APBA1: variants seen among roughly 807,000 people sequenced by gnomAD.
The protein encoded by APBA1 is amyloid-beta A4 precursor protein-binding family A member 1.
In APBA1, 55 loss-of-function variants were observed where a neutral mutation model predicts 86.6. The observed-to-expected ratio is 0.64, with a 90% CI of 0.51 to 0.80. The LOEUF is 0.80. APBA1 is among the 30% of genes least tolerant of loss of function. The probability of loss-of-function intolerance (pLI) is 0.00; values close to 1 mark genes in which losing one functional copy is unlikely to be tolerated. For missense variants in APBA1, 1,090 were observed against 1,183.0 expected, an observed-to-expected ratio of 0.92 and a Z score of 1.15; for synonymous variants, 511 against 493.9, an observed-to-expected ratio of 1.03 and a Z score of -0.46.
intron 2 of APBA1, among the ~76,000 whole-genome samples, chr9:69,499,129 C>A (rs377277180): frequency 1.3e-5 from 2 of 152,118 alleles, no homozygotes; most frequent in African/African-American, 4.8e-5. Flanking sequence ...TATAAGAAAA[C>A]AAAGTTGGTT....
At chr9:69,555,138 G>C (rs1169148527) in intron 1 of APBA1, among the ~76,000 whole-genome samples, 3 of 152,304 alleles carry the variant, frequency 2.0e-5, no homozygotes, top group Admixed American at 2.0e-4. Context: ...TTCTTCCAAA[G>C]AGTAGTAGAT....
At chr9:69,548,370 C>G (rs1272526049) in intron 1 of APBA1, among the ~76,000 whole-genome samples, 2 of 152,196 alleles carry the variant, frequency 1.3e-5, no homozygotes, top group East Asian at 1.9e-4. Context: ...TCCATGGGAC[C>G]TGTGTCAGCT....
At chr9:69,662,021 AACACACACACAC>A (rs3069250) in intron 1 of APBA1, among the ~76,000 whole-genome samples, 1 of 146,650 alleles carries the variant, frequency 6.8e-6, no homozygotes, top group Non-Finnish European at 1.5e-5. Flanking sequence ...GACAAACAGT[AACACACACACAC>A]ACACACACAC....
Position 69,650,174 on chromosome 9 carries a change from T to C in APBA1, c.-70+21979A>G, listed in dbSNP as rs548095929. On this transcript the variant is annotated intron_variant, in intron 1 of 12. Coordinates refer to ENST00000265381, the MANE Select transcript of APBA1 (RefSeq NM_001163.4). ...CTGTCACCTACTGGCTGTGCTATCTTGGGCAAGTCACTTAACCTCTCTGCT... is the reference window on the plus strand; with the variant it reads ...CTGTCACCTACTGGCTGTGCTATCTCGGGCAAGTCACTTAACCTCTCTGCT... Among the ~76,000 whole-genome samples the C allele has an allele frequency of 2.0e-5, 3 of 152,296 alleles. No individual in the cohort carries two copies. The East Asian group carries it at 5.8e-4, about 29-fold the overall frequency.
intron 1 of APBA1, among the ~76,000 whole-genome samples, chr9:69,590,087 G>C (rs1379539445): frequency 6.6e-6 from 1 of 152,090 alleles, no homozygotes; most frequent in African/African-American, 2.4e-5. Context: ...CAGCACTCCT[G>C]GGATGGTCCA....
At chr9:69,649,196 A>T (rs528754966) in intron 1 of APBA1, among the ~76,000 whole-genome samples, 2 of 152,188 alleles carry the variant, frequency 1.3e-5, no homozygotes, top group South Asian at 4.1e-4. Context: ...TCCATCTTGT[A>T]AAATGCACGT....
At position 69,456,294 on chromosome 9, in the gene APBA1, C is replaced by T. The variant is rs1186233276; in HGVS notation, c.1741G>A (p.Gly581Arg). ...NVEASHPSQD[G>R]KRQYKMICHV... ...CAGATCATCTTGTACTGCCTTTTCC[C>T]ATCCTGGGATGGGTGGGACGCTTCC... The change falls in exon 8 of 13, where the codon GGG becomes AGG. Residue 581 changes from glycine (G) to arginine (R), a missense_variant. By Grantham distance (125) the Gly-to-Arg change is moderately radical (BLOSUM62 -2). Transcript: ENST00000265381. 1 of 1,614,212 alleles carries T rather than the reference C, an allele frequency of 6.2e-7. No homozygotes were observed. The highest frequency in any genetic ancestry group is 2.2e-5 in the East Asian group (1 of 44,888).
chr9:69,563,685 C>T (rs1178851458), intron 1 of APBA1, among the ~76,000 whole-genome samples: 1 of 151,974 alleles, frequency 6.6e-6, no homozygotes, highest in Non-Finnish European at 1.5e-5. Flanking sequence ...CTTGTCTATC[C>T]ATCAAGATTC....
rs576517279 is a variant in APBA1, at chr9:69,516,376, G to C, written c.835C>G (p.Gln279Glu). 6.2e-7 allele frequency: 1 copy of C among 1,602,520 alleles called. No individual in the cohort carries two copies. The highest frequency in any genetic ancestry group is 1.1e-5 in the South Asian group (1 of 90,926). ...TCGAGGCTCTGCGAGCTCATGCTCT[G>C]CTTCACCTCGGCCACTATCTGGTCG... is the stretch of plus-strand genomic sequence containing the variant. ...DIDQIVAEVK[Q>E]SMSSQSLDKA... is the part of the protein sequence containing the mutation. Residue 279 changes from glutamine (Q) to glutamate (E), a missense_variant, in exon 2 of 13, where the codon CAG (glutamine) becomes GAG (glutamate). Physicochemically the swap from Gln to Glu is conservative, Grantham distance 29. Around this residue, in one of 6 missense-constraint regions of APBA1, gnomAD observed 678 missense variants for 647.1 expected, o/e 1.05. Coordinates refer to ENST00000265381, the MANE Select transcript of APBA1 (RefSeq NM_001163.4). The surrounding 1 kb of genome is among the most constrained non-coding windows in gnomAD (Gnocchi z 7.3).
intron 2 of APBA1, among the ~76,000 whole-genome samples, chr9:69,485,202 G>A (rs12001157): frequency 0.078 from 11,919 of 151,990 alleles, 563 homozygotes; most frequent in African/African-American, 0.097. Flanking sequence ...GCAGAAAGCT[G>A]TCCCCAAATG....
chr9:69,594,058 G>C (rs985087763), intron 1 of APBA1, among the ~76,000 whole-genome samples: 1 of 152,148 alleles, frequency 6.6e-6, no homozygotes, highest in East Asian at 1.9e-4. Flanking sequence ...ACAAGTCTTG[G>C]CTCTTTCCTC....
intron 1 of APBA1, among the ~76,000 whole-genome samples, chr9:69,658,284 C>CTT (rs370230255): frequency 0.066 from 4,949 of 75,216 alleles, 415 homozygotes; most frequent in East Asian, 0.17. Flanking sequence ...TTCTTTCTTT[C>CTT]TCTCTCTCTT....
chr9:69,575,882 C>T (rs1821784543), intron 1 of APBA1, among the ~76,000 whole-genome samples: 2 of 152,160 alleles, frequency 1.3e-5, no homozygotes, highest in Non-Finnish European at 1.5e-5. Flanking sequence ...TAAAGAGCTT[C>T]TACACAGCAA....
At chr9:69,616,447 A>G (rs750292364) in intron 1 of APBA1, among the ~76,000 whole-genome samples, 10 of 152,208 alleles carry the variant, frequency 6.6e-5, no homozygotes, top group Non-Finnish European at 1.3e-4. Context: ...GCTCAAAACC[A>G]TGCGAACTGG....
At chr9:69,459,557 A>C (rs1334724130) in intron 5 of APBA1, among the ~76,000 whole-genome samples, 2 of 152,156 alleles carry the variant, frequency 1.3e-5, no homozygotes, top group East Asian at 3.9e-4. Context: ...TCTTGCCTTA[A>C]ATTTATGTAA....
chr9:69,467,983 G>C lies in APBA1; in HGVS notation c.1337-15C>G, dbSNP rs529868964. ...GGGTCCCGGAACTGTAACACATAGA[G>C]CCACAGTGAGGAAGCCATCCTGGGG... On this transcript the variant is annotated splice_polypyrimidine_tract_variant and intron_variant, in intron 4 of 12. Coordinates refer to ENST00000265381, the MANE Select transcript of APBA1 (RefSeq NM_001163.4). The C allele has an allele frequency of 1.2e-6, 2 of 1,612,072 alleles. No homozygotes were observed. The highest frequency in any genetic ancestry group is 1.3e-5 in the African/African-American group (1 of 75,016).
chr9:69,491,114 C>G (rs1835702379), intron 2 of APBA1, among the ~76,000 whole-genome samples: 1 of 152,066 alleles, frequency 6.6e-6, no homozygotes, highest in Non-Finnish European at 1.5e-5. Flanking sequence ...GGTATATACC[C>G]AAACGATTAT....
chr9:69,617,596 T>C (rs1299301355), intron 1 of APBA1, among the ~76,000 whole-genome samples: 1 of 152,076 alleles, frequency 6.6e-6, no homozygotes, highest in Non-Finnish European at 1.5e-5. Flanking sequence ...ACAGATTTGC[T>C]GTAGGCTTAG....
At chr9:69,444,587 C>A (rs1453138044) in intron 10 of APBA1, among the ~76,000 whole-genome samples, 1 of 152,130 alleles carries the variant, frequency 6.6e-6, no homozygotes, top group Non-Finnish European at 1.5e-5. Context: ...TGATTGCACC[C>A]CCTTTAATGT....
Sources: gnomAD v4.1 joint callset for allele counts (sites outside exome capture counted in the v4.1 genomes callset) on GRCh38, gnomAD v4.1.1 for gene constraint, gnomAD v4.1.1 regional missense constraint, Gnocchi (gnomAD v3.1) non-coding constraint, MANE v1.5 for transcripts, NCBI Gene and HGNC (gene_info 2026-07-23, HGNC 2026-07-21) for gene names.